The following WNK2 variants were observed in gnomAD, a reference collection of about 807,000 sequenced individuals.
WNK2 encodes WNK lysine deficient protein kinase 2.
WNK2 carries 67 observed loss-of-function variants against 192.1 expected under a neutral mutation model. The observed-to-expected ratio is 0.35, with a 90% confidence interval of 0.29 to 0.43. WNK2 has a LOEUF of 0.43. Among genes scored for constraint, WNK2 ranks in the 20% least tolerant of loss-of-function variants. The pLI is 1.00. For missense variants in WNK2, 2,698 were observed against 3,089.7 expected (o/e 0.87, Z 3.01); for synonymous variants, 1,439 against 1,393.9 (o/e 1.03, Z -0.72).
At chr9:93,227,117 CTTT>C (rs34529839) in intron 2 of WNK2, among the ~76,000 whole-genome samples, 5 of 137,588 alleles carry the variant, frequency 3.6e-5, no homozygotes, top group Admixed American at 7.3e-5. Context: ...AAGTATCCAC[CTTT>C]TTTTTTTTTT....
Position 93,317,811 on chromosome 9 carries a change from G to A in WNK2, c.6628+180G>A, listed in dbSNP as rs990506287. The A allele has an allele frequency of 4.0e-6, 6 of 1,493,550 alleles. 1 individual carries two copies. Among genetic ancestry groups the A allele is most frequent in the African/African-American group, 2.8e-5 (2 of 72,006 alleles). 92.5% of individuals were successfully genotyped at this position (1,493,550 alleles called of 1,614,324 possible). ...GCTGCCAGTCTTCTTGCAGCCACCT[G>A]TGGTCAGCATGCCTGGCCCCCGGCT... On this transcript the variant is annotated intron_variant, in intron 29 of 29. Coordinates refer to ENST00000427277, the MANE Select transcript of WNK2 (RefSeq NM_006648.4).
At chr9:93,220,820 C>G (rs1836724173) in intron 2 of WNK2, among the ~76,000 whole-genome samples, 2 of 152,288 alleles carry the variant, frequency 1.3e-5, no homozygotes, top group African/African-American at 4.8e-5. Flanking sequence ...GCATCAGACC[C>G]CAGGTGGTCC....
chr9:93,216,820 C>G (rs1272214829), intron 2 of WNK2, among the ~76,000 whole-genome samples: 1 of 9,332 alleles, frequency 1.1e-4, no homozygotes, highest in Non-Finnish European at 2.0e-4. Context: ...AAAACAACAA[C>G]AACAACAAAC....
At chr9:93,236,631 T>G (rs1219749819) in intron 5 of WNK2, among the ~76,000 whole-genome samples, 2 of 152,248 alleles carry the variant, frequency 1.3e-5, no homozygotes, top group Non-Finnish European at 2.9e-5. Flanking sequence ...CTGAGTCCGG[T>G]TGCAGGGCTT....
At chr9:93,286,256 A>G (rs1848432176) in intron 19 of WNK2, among the ~76,000 whole-genome samples, 1 of 152,092 alleles carries the variant, frequency 6.6e-6, no homozygotes, top group African/African-American at 2.4e-5. Context: ...GAGATTCTGT[A>G]GTACAGATAG....
intron 25 of WNK2, among the ~76,000 whole-genome samples, chr9:93,299,513 G>A (rs955580103): frequency 6.6e-6 from 1 of 152,202 alleles, no homozygotes; most frequent in Non-Finnish European, 1.5e-5. Context: ...GTGGACCTTG[G>A]GGAAGTGGCT....
chr9:93,184,661 C>T (rs1828938222), intron 1 of WNK2, among the ~76,000 whole-genome samples: 1 of 152,130 alleles, frequency 6.6e-6, no homozygotes, highest in African/African-American at 2.4e-5. Flanking sequence ...AGCAGGTCCT[C>T]TCTCCCAGGG....
intron 2 of WNK2, among the ~76,000 whole-genome samples, chr9:93,198,412 G>A (rs80088244): frequency 0.02 from 3,076 of 152,326 alleles, 40 homozygotes; most frequent in Middle Eastern, 0.054. Flanking sequence ...AGCTGCTTTG[G>A]GTGGGGCCCC....
intron 7 of WNK2, among the ~76,000 whole-genome samples, chr9:93,246,963 T>A (rs879348962): frequency 2.6e-5 from 4 of 152,256 alleles, no homozygotes; most frequent in Non-Finnish European, 4.4e-5. Flanking sequence ...GAGCTCATGA[T>A]GTTTCCTGGA....
rs1188445723 is a variant in WNK2 at position 93,259,236 on chromosome 9, C to T, written c.2688C>T (p.Ala896=). The change falls in exon 12 of 30, where the codon GCC becomes GCT. Residue 896 remains alanine (A), a synonymous_variant. Transcript: ENST00000427277. The surrounding 1 kb of genome is among the most constrained non-coding windows in gnomAD (Gnocchi z 4.8). The part of the protein sequence containing the change: ...LLAVAPPGVA[A]LSIHSAVAQL... ...CCGTAGCCCCACCGGGCGTGGCTGC[C>T]CTGTCCATTCATTCTGCCGTGGCCC... 4 of 1,613,252 alleles carry T rather than the reference C, an allele frequency of 2.5e-6. No homozygotes were observed. In the South Asian group the frequency reaches 4.4e-5, roughly 18 times the overall value.
At chr9:93,202,731 A>G (rs901133139) in intron 2 of WNK2, among the ~76,000 whole-genome samples, 4 of 151,920 alleles carry the variant, frequency 2.6e-5, no homozygotes, top group African/African-American at 7.3e-5. Context: ...ACACCACTGC[A>G]GCCGGGGCTA....
At chr9:93,298,155 C>T in intron 24 of WNK2, 88 bp downstream of exon 24, 1 of 1,409,158 alleles carries the variant, frequency 7.1e-7, no homozygotes, top group Non-Finnish European at 9.7e-7. Context: ...AGGTGTGACA[C>T]CCTCGGACCT....
rs148185389 is a variant in WNK2 at position 93,286,263 on chromosome 9, A to T, written c.4034-2525A>T. ...CGGAGCGAGAGATTCTGTAGTACAG[A>T]TAGCCCCCAGACAGTTCTCTACCCA... On this transcript the variant is annotated intron_variant, in intron 19 of 29. Coordinates refer to ENST00000427277, the MANE Select transcript of WNK2 (RefSeq NM_006648.4). 5.1e-3 allele frequency among the ~76,000 whole-genome samples: 773 copies of T among 152,194 alleles called. 5 individuals carry two copies. Among genetic ancestry groups the T allele is most frequent in the Middle Eastern group, 0.017 (5 of 294 alleles).
At chr9:93,309,086 G>A (rs1464441619) in intron 28 of WNK2, 1 of 987,844 alleles carries the variant, frequency 1.0e-6, no homozygotes, top group African/African-American at 1.7e-5. Flanking sequence ...CTTGTTTGAT[G>A]TCAGCGCGAG....
At chr9:93,222,596 AG>A (rs1837107257) in intron 2 of WNK2, among the ~76,000 whole-genome samples, 1 of 152,150 alleles carries the variant, frequency 6.6e-6, no homozygotes, top group South Asian at 2.1e-4. Context: ...AAAGAAGTCT[AG>A]GGGCACATCA....
intron 19 of WNK2, among the ~76,000 whole-genome samples, chr9:93,280,677 A>C (rs150192760): frequency 6.6e-6 from 1 of 152,326 alleles, no homozygotes; most frequent in East Asian, 1.9e-4. Flanking sequence ...TCTTCATTGA[A>C]GTCAGATCCT....
At chr9:93,212,916 C>T (rs995674480) in intron 2 of WNK2, among the ~76,000 whole-genome samples, 2 of 152,180 alleles carry the variant, frequency 1.3e-5, no homozygotes, top group African/African-American at 4.8e-5. Flanking sequence ...TTTTGGACTC[C>T]GCCTTGGGGC....
At chr9:93,243,800 G>A (rs1478112015) in intron 7 of WNK2, among the ~76,000 whole-genome samples, 1 of 152,210 alleles carries the variant, frequency 6.6e-6, no homozygotes, top group Non-Finnish European at 1.5e-5. Flanking sequence ...GCCTCCCTGG[G>A]GTCCTGACAA....
intron 2 of WNK2, among the ~76,000 whole-genome samples, chr9:93,217,027 C>T (rs1007478590): frequency 2.6e-5 from 4 of 151,300 alleles, no homozygotes; most frequent in Non-Finnish European, 5.9e-5. Context: ...GGCGAGATCT[C>T]GGCTCACTGC....
Sources: allele counts gnomAD v4.1 joint callset (sites outside exome capture counted in the v4.1 genomes callset), GRCh38; gene constraint gnomAD v4.1.1; non-coding constraint Gnocchi (gnomAD v3.1); transcripts MANE v1.5; gene names NCBI Gene and HGNC (gene_info 2026-07-23, HGNC 2026-07-21).